MUC7: variants seen among roughly 807,000 people sequenced by gnomAD.
The protein encoded by MUC7 is mucin-7.
A neutral mutation model predicts 2.5 loss-of-function variants in MUC7; 2 were observed. The observed-to-expected ratio is 0.81, with a 90% CI of 0.33 to 2.55. The LOEUF is 2.55. MUC7 is among the 30% of genes most tolerant of loss of function. The probability of loss-of-function intolerance (pLI) is 0.11; values close to 1 mark genes in which losing one functional copy is unlikely to be tolerated. For missense variants in MUC7, 408 were observed against 455.6 expected, an observed-to-expected ratio of 0.90 and a Z score of 0.95; for synonymous variants, 133 against 173.4, an observed-to-expected ratio of 0.77 and a Z score of 1.83.
chr4:70,472,857 A>G (rs1734872619), intron 1 of MUC7, among the ~76,000 whole-genome samples: 1 of 152,178 alleles, frequency 6.6e-6, no homozygotes, highest in Non-Finnish European at 1.5e-5. Flanking sequence ...ATTGACATGC[A>G]CACTAATTAC....
At chr4:70,478,953 G>A (rs1042815019) in intron 2 of MUC7, among the ~76,000 whole-genome samples, 1 of 152,102 alleles carries the variant, frequency 6.6e-6, no homozygotes, top group African/African-American at 2.4e-5. Flanking sequence ...GTTAGCTATT[G>A]GTTGTTCTCA....
upstream of MUC7, among the ~76,000 whole-genome samples, chr4:70,468,956 A>G (rs1478741965): frequency 6.6e-6 from 1 of 152,106 alleles, no homozygotes; most frequent in Non-Finnish European, 1.5e-5. Context: ...CAAGACAATC[A>G]TAAGCAAAAA....
intron 1 of MUC7, among the ~76,000 whole-genome samples, chr4:70,460,716 C>T (rs1012889436): frequency 6.6e-6 from 1 of 152,084 alleles, no homozygotes; most frequent in African/African-American, 2.4e-5. Flanking sequence ...CCTGCAGTGC[C>T]TTTTGGTCCA....
intron 1 of MUC7, among the ~76,000 whole-genome samples, chr4:70,436,525 C>T (rs1733838384): frequency 6.6e-6 from 1 of 152,128 alleles, no homozygotes; most frequent in African/African-American, 2.4e-5. Flanking sequence ...TCAAAAAGTT[C>T]TCATGCTGTG....
intron 1 of MUC7, among the ~76,000 whole-genome samples, chr4:70,451,934 T>C (rs956080968): frequency 6.6e-6 from 1 of 152,198 alleles, no homozygotes; most frequent in African/African-American, 2.4e-5. Flanking sequence ...TTTATTTATC[T>C]GGGCACTCTA....
chr4:70,439,872 T>C (rs1733958489), intron 1 of MUC7, among the ~76,000 whole-genome samples: 2 of 152,116 alleles, frequency 1.3e-5, no homozygotes, highest in Admixed American at 1.3e-4. Flanking sequence ...ATTTCACTTA[T>C]TTTAGAAATT....
At chr4:70,459,932 A>C (rs1038363171) in intron 1 of MUC7, among the ~76,000 whole-genome samples, 8 of 152,198 alleles carry the variant, frequency 5.3e-5, no homozygotes, top group African/African-American at 1.9e-4. Context: ...ATTGACTAAT[A>C]ATCTTAGATT....
At chr4:70,454,384 T>C (rs556318459) in intron 1 of MUC7, among the ~76,000 whole-genome samples, 2 of 152,344 alleles carry the variant, frequency 1.3e-5, no homozygotes, top group Admixed American at 6.5e-5. Context: ...TGTGGGCAAG[T>C]ATCAGCTGAC....
At chr4:70,454,170 T>C (rs1053137428) in intron 1 of MUC7, among the ~76,000 whole-genome samples, 3 of 152,188 alleles carry the variant, frequency 2.0e-5, no homozygotes, top group Non-Finnish European at 4.4e-5. Context: ...CTAGGTCATA[T>C]GCCTCCCATG....
chr4:70,479,985 T>C (rs151234788), intron 2 of MUC7, among the ~76,000 whole-genome samples: 19 of 152,298 alleles, frequency 1.2e-4, no homozygotes, highest in Admixed American at 3.9e-4. Context: ...GTTAGATGCA[T>C]AGACTAGAAA....
intron 1 of MUC7, among the ~76,000 whole-genome samples, chr4:70,435,357 A>T (rs887908893): frequency 6.6e-6 from 1 of 152,170 alleles, no homozygotes; most frequent in Non-Finnish European, 1.5e-5. Flanking sequence ...GTAGGTCTCT[A>T]AGAACTTGCT....
chr4:70,463,274 C>T (rs1167622310), intron 1 of MUC7, among the ~76,000 whole-genome samples: 1 of 152,102 alleles, frequency 6.6e-6, no homozygotes, highest in Non-Finnish European at 1.5e-5. Flanking sequence ...TGATGTTTTC[C>T]ATATTCAAAT....
At chr4:70,459,483 T>C (rs1380478022) in intron 1 of MUC7, among the ~76,000 whole-genome samples, 1 of 152,146 alleles carries the variant, frequency 6.6e-6, no homozygotes, top group African/African-American at 2.4e-5. Flanking sequence ...TAATGCTAAA[T>C]GACTAGTTAA....
At chr4:70,470,249 G>T (rs1432445629), upstream of MUC7, among the ~76,000 whole-genome samples, 1 of 152,152 alleles carries the variant, frequency 6.6e-6, no homozygotes, top group East Asian at 1.9e-4. Flanking sequence ...ACACACCAGG[G>T]CCTGTTGGCA....
At chr4:70,462,129 CT>C (rs139989308) in intron 1 of MUC7, among the ~76,000 whole-genome samples, 8,632 of 152,050 alleles carry the variant, frequency 0.057, 733 homozygotes, top group African/African-American at 0.19. Context: ...GGGAGGATCA[CT>C]TGAGCCCAAA....
intron 1 of MUC7, among the ~76,000 whole-genome samples, chr4:70,447,991 T>G (rs2109712345): frequency 6.6e-6 from 1 of 152,242 alleles, no homozygotes; most frequent in African/African-American, 2.4e-5. Context: ...TGTCCATGAG[T>G]TCAATGGTTT....
intron 1 of MUC7, among the ~76,000 whole-genome samples, chr4:70,436,871 G>C (rs1373608673): frequency 6.6e-6 from 1 of 152,186 alleles, no homozygotes; most frequent in Admixed American, 6.5e-5. Context: ...ATGACCTACA[G>C]ATGGGGTTTT....
intron 1 of MUC7, among the ~76,000 whole-genome samples, 181 bp downstream of exon 1, chr4:70,472,472 T>A (rs1209286756): frequency 6.6e-6 from 1 of 152,212 alleles, no homozygotes; most frequent in Non-Finnish European, 1.5e-5. Context: ...TTGGTAGGAA[T>A]GTTTTTTGGT....
rs149198614 is a variant in MUC7, at chr4:70,443,097, T to C, written c.-93+12410T>C. On this transcript the variant is annotated intron_variant, in intron 1 of 3. Transcript: ENST00000413702. ...ATCTGCTAAACCTCACCCAGGAAAATCTTCACTGAAGTTCACCAAAAAATC... is the reference window on the plus strand; with the variant it reads ...ATCTGCTAAACCTCACCCAGGAAAACCTTCACTGAAGTTCACCAAAAAATC... Among the ~76,000 whole-genome samples the C allele has an allele frequency of 2.4e-3, 365 of 152,124 alleles. 2 individuals carry two copies. The highest frequency in any genetic ancestry group is 8.3e-3 in the African/African-American group (344 of 41,506).
Sources: gnomAD v4.1 joint callset for allele counts (sites outside exome capture counted in the v4.1 genomes callset) on GRCh38, gnomAD v4.1.1 for gene constraint, MANE v1.5 for transcripts, NCBI Gene and HGNC (gene_info 2026-07-23, HGNC 2026-07-21) for gene names.